The following PXDNL variants were observed in gnomAD, a reference collection of about 807,000 sequenced individuals.
PXDNL encodes the protein peroxidasin like.
PXDNL carries 145 observed loss-of-function variants against 150.8 expected under a neutral mutation model. The observed-to-expected ratio is 0.96, with a 90% CI of 0.84 to 1.10. The LOEUF (loss-of-function observed/expected upper bound fraction) is 1.10, where lower values mean the gene tolerates loss of function less well. Among genes scored for constraint, PXDNL ranks in the 50% least tolerant of loss-of-function variants. PXDNL has a pLI of 0.00. For synonymous variants in PXDNL, 757 were observed against 725.7 expected (o/e 1.04, Z -0.69); for missense variants, 2,087 against 1,873.9 (o/e 1.11, Z -2.10).
chr8:51,434,626 T>A (rs1477930499), intron 12 of PXDNL, among the ~76,000 whole-genome samples: 1 of 152,210 alleles, frequency 6.6e-6, no homozygotes, highest in Non-Finnish European at 1.5e-5. Flanking sequence ...TTGCTAATAA[T>A]CTTTTTGGAA....
chr8:51,456,756 G>GT (rs753959502), intron 9 of PXDNL, among the ~76,000 whole-genome samples: 7 of 152,102 alleles, frequency 4.6e-5, no homozygotes, highest in Non-Finnish European at 8.8e-5. Flanking sequence ...TATCATTTCG[G>GT]TAACTAGGAA....
intron 2 of PXDNL, among the ~76,000 whole-genome samples, chr8:51,605,914 T>C (rs1359931943): frequency 6.6e-6 from 1 of 152,128 alleles, no homozygotes; most frequent in African/African-American, 2.4e-5. Flanking sequence ...CCTCTCACCA[T>C]GTAATGCCCC....
chr8:51,634,298 A>G (rs1814555205), intron 2 of PXDNL, among the ~76,000 whole-genome samples: 1 of 151,856 alleles, frequency 6.6e-6, no homozygotes, highest in South Asian at 2.1e-4. Flanking sequence ...GTAGGTGTGA[A>G]GCTTTCTTTC....
chr8:51,584,840 T>G (rs969416276), intron 3 of PXDNL, among the ~76,000 whole-genome samples: 9 of 152,124 alleles, frequency 5.9e-5, no homozygotes, highest in Non-Finnish European at 1.2e-4. Context: ...GCTAATCAAG[T>G]CTTTTTTTTA....
intron 2 of PXDNL, among the ~76,000 whole-genome samples, chr8:51,650,688 GC>G (rs1189138182): frequency 1.3e-5 from 2 of 152,178 alleles, no homozygotes; most frequent in Non-Finnish European, 2.9e-5. Context: ...ATGCTGCAGT[GC>G]CAAGTTTGTG....
chr8:51,493,830 G>A (rs541148629), intron 5 of PXDNL, among the ~76,000 whole-genome samples: 1 of 152,348 alleles, frequency 6.6e-6, no homozygotes, highest in African/African-American at 2.4e-5. Context: ...GTGACAGGGA[G>A]AATGGAACCA....
At chr8:51,414,123 A>G (rs1808727644) in intron 14 of PXDNL, among the ~76,000 whole-genome samples, 1 of 152,074 alleles carries the variant, frequency 6.6e-6, no homozygotes, top group African/African-American at 2.4e-5. Context: ...ATAGGAAGGT[A>G]TTGTATGTAT....
intron 2 of PXDNL, among the ~76,000 whole-genome samples, chr8:51,642,258 A>T (rs1814780303): frequency 6.6e-6 from 1 of 152,050 alleles, no homozygotes. Context: ...CTAATGCTAA[A>T]TGATGAGTTA....
At chr8:51,736,074 C>G (rs1043980408) in intron 1 of PXDNL, among the ~76,000 whole-genome samples, 17 of 152,088 alleles carry the variant, frequency 1.1e-4, no homozygotes, top group Non-Finnish European at 4.4e-5. Flanking sequence ...TAAAGTTAGA[C>G]ATTTAGAAGA....
intron 1 of PXDNL, chr8:51,722,278 C>T (rs909780957): frequency 1.3e-5 from 2 of 152,436 alleles, no homozygotes; most frequent in Admixed American, 6.5e-5. Flanking sequence ...CCACTATGCG[C>T]ACTCCAACCC....
intron 19 of PXDNL, among the ~76,000 whole-genome samples, chr8:51,362,550 C>T (rs1563374495): frequency 6.6e-6 from 1 of 152,158 alleles, no homozygotes; most frequent in Non-Finnish European, 1.5e-5. Flanking sequence ...TTCAGACTAT[C>T]TTGTCTTAAC....
At chr8:51,490,817 G>A (rs1405305419) in intron 5 of PXDNL, among the ~76,000 whole-genome samples, 1 of 151,156 alleles carries the variant, frequency 6.6e-6, no homozygotes, top group African/African-American at 2.4e-5. Context: ...AGTGAAAATT[G>A]ATATCTCCTA....
intron 8 of PXDNL, among the ~76,000 whole-genome samples, chr8:51,468,422 T>C (rs934627800): frequency 6.6e-6 from 1 of 151,968 alleles, no homozygotes; most frequent in African/African-American, 2.4e-5. Flanking sequence ...ACATCATCCT[T>C]ATCTTGATCA....
At chr8:51,557,465 T>C (rs769117034) in intron 3 of PXDNL, among the ~76,000 whole-genome samples, 5 of 152,190 alleles carry the variant, frequency 3.3e-5, no homozygotes, top group Non-Finnish European at 5.9e-5. Context: ...AAACAATTTA[T>C]GTGACATATG....
intron 1 of PXDNL, among the ~76,000 whole-genome samples, chr8:51,696,749 C>T (rs371325470): frequency 5.5e-4 from 1 of 1,822 alleles, no homozygotes; most frequent in Admixed American, 6.9e-3. Context: ...ACACACATAC[C>T]CACCCACACA....
At chr8:51,762,571 T>C (rs1192493349) in intron 1 of PXDNL, among the ~76,000 whole-genome samples, 1 of 152,218 alleles carries the variant, frequency 6.6e-6, no homozygotes, top group East Asian at 1.9e-4. Context: ...TTAGACAAAC[T>C]CAACTAATTG....
chr8:51,567,893 G>A (rs1812859489), intron 3 of PXDNL, among the ~76,000 whole-genome samples: 1 of 151,746 alleles, frequency 6.6e-6, no homozygotes, highest in Non-Finnish European at 1.5e-5. Context: ...TATGTAAATA[G>A]TTGTTGAACT....
intron 19 of PXDNL, among the ~76,000 whole-genome samples, chr8:51,360,260 C>T (rs1806680264): frequency 6.6e-6 from 1 of 152,148 alleles, no homozygotes; most frequent in Non-Finnish European, 1.5e-5. Context: ...TATGTGTACA[C>T]ATCTATGCAT....
chr8:51,553,014 A>C (rs1812525676), intron 4 of PXDNL, among the ~76,000 whole-genome samples: 1 of 152,234 alleles, frequency 6.6e-6, no homozygotes, highest in Non-Finnish European at 1.5e-5. Context: ...CAATTACAAA[A>C]GGGAAAAACA....
Sources: allele counts gnomAD v4.1 joint callset (sites outside exome capture counted in the v4.1 genomes callset), GRCh38; gene constraint gnomAD v4.1.1; transcripts MANE v1.5; gene names NCBI Gene and HGNC (gene_info 2026-07-23, HGNC 2026-07-21).